BRD1: variants seen among roughly 807,000 people sequenced by gnomAD.
BRD1 encodes the protein bromodomain containing 1.
Under a neutral mutation model 107.7 loss-of-function variants are expected in BRD1, and 24 were observed. The ratio of observed to expected loss-of-function variants is 0.22; its 90% confidence interval spans 0.16 to 0.31. The LOEUF is 0.31. Among genes scored for constraint, BRD1 ranks in the 10% least tolerant of loss-of-function variants. The pLI, the probability that BRD1 is intolerant of heterozygous loss-of-function variation, is 1.00. For synonymous variants in BRD1, 744 were observed against 686.1 expected (o/e 1.08, Z -1.32); for missense variants, 1,279 against 1,638.6 (o/e 0.78, Z 3.79).
At chr22:49,800,163 G>A (rs1448765919) in intron 3 of BRD1, among the ~76,000 whole-genome samples, 1 of 152,140 alleles carries the variant, frequency 6.6e-6, no homozygotes, top group Non-Finnish European at 1.5e-5. Context: ...AAGGACCGAG[G>A]GTGTGAAGGC....
intron 2 of BRD1, chr22:49,806,800 C>T (rs1303585358): frequency 6.6e-6 from 1 of 152,134 alleles, no homozygotes; most frequent in African/African-American, 2.4e-5. Context: ...CAGTTCGTGA[C>T]CAGCCTGGCC....
In BRD1 at chr22:49,783,812, T is replaced by G. The variant is rs1436381643; in HGVS notation, c.2857+3578A>C. Among the ~76,000 whole-genome samples the G allele has an allele frequency of 6.6e-6, 1 of 152,212 alleles. No individual in the cohort carries two copies. The highest frequency in any genetic ancestry group is 1.5e-5 in the Non-Finnish European group (1 of 68,026). ...GATTTTGTCTAGAGGATGTTTGAGCTGATGATTCCAATGTGATCCGCAAGA... is the reference window on the plus strand; with the variant it reads ...GATTTTGTCTAGAGGATGTTTGAGCGGATGATTCCAATGTGATCCGCAAGA... On this transcript the variant is annotated intron_variant, in intron 8 of 12. Transcript: ENST00000404760. The surrounding 1 kb of genome is among the most constrained non-coding windows in gnomAD (Gnocchi z 4.2).
chr22:49,787,386 T>TTAC lies in BRD1; in HGVS notation c.2857+1_2857+3dup. The TTAC allele has an allele frequency of 6.3e-7, 1 of 1,588,904 alleles. No individual in the cohort carries two copies. Among genetic ancestry groups the TTAC allele is most frequent in the South Asian group, 1.1e-5 (1 of 90,642 alleles). ...CGCCTCTCAGGGCCGCCCGCGGCATTTACCTGCGTCCAGGCGCTTTCCTGG... is the reference window on the plus strand; with the variant it reads ...CGCCTCTCAGGGCCGCCCGCGGCATTTACTACCTGCGTCCAGGCGCTTTCCTGG... On this transcript the variant is annotated splice_donor_region_variant and intron_variant, in intron 8 of 12. Transcript: ENST00000404760.
intron 1 of BRD1, chr22:49,826,147 T>G: frequency 1.0e-6 from 1 of 984,160 alleles, no homozygotes; most frequent in South Asian, 4.7e-5. Context: ...AGTTGGTTAC[T>G]CACCAGATCA....
chr22:49,819,515 T>C (rs2060022633), intron 2 of BRD1, among the ~76,000 whole-genome samples: 1 of 152,038 alleles, frequency 6.6e-6, no homozygotes, highest in African/African-American at 2.4e-5. Context: ...ACCATGCCAC[T>C]GCACCCGTCT....
intron 5 of BRD1, among the ~76,000 whole-genome samples, 183 bp from the exon 6 acceptor site, chr22:49,798,300 A>G (rs1422536261): frequency 6.6e-6 from 1 of 152,222 alleles, no homozygotes; most frequent in African/African-American, 2.4e-5. Flanking sequence ...TCCTTCAGCT[A>G]AAGCACGCTG....
intron 8 of BRD1, among the ~76,000 whole-genome samples, chr22:49,785,969 A>G (rs1156690440): frequency 6.6e-6 from 1 of 152,186 alleles, no homozygotes; most frequent in Admixed American, 6.5e-5. Context: ...TGGCCTGGGC[A>G]GGTCTTGCCC....
chr22:49,818,132 G>C lies in BRD1; in HGVS notation c.1367+4819C>G. The C allele has an allele frequency of 3.7e-6, 3 of 808,364 alleles. 1 individual carries two copies. The South Asian group carries it at 1.4e-4, about 38-fold the overall frequency. The allele number at this position is 808,364 out of a possible 1,614,324, so 50.1% of individuals were successfully genotyped here. A position where few individuals can be genotyped will look rare whatever the true frequency, so the allele number is the denominator to read the frequency against. ...AAACTCAAAATAAAATGACACCAGT[G>C]AAGGCGGGAGGAGCACCCTATCAGG... On this transcript the variant is annotated intron_variant, in intron 2 of 12. Coordinates refer to ENST00000404760, the MANE Select transcript of BRD1 (RefSeq NM_001304808.3).
intron 6 of BRD1, among the ~76,000 whole-genome samples, chr22:49,795,997 A>G (rs1347422535): frequency 6.6e-6 from 1 of 152,222 alleles, no homozygotes; most frequent in Non-Finnish European, 1.5e-5. Flanking sequence ...CACTGTTTGG[A>G]GCCTGTGTTT....
intron 6 of BRD1, among the ~76,000 whole-genome samples, chr22:49,797,067 C>A (rs2059548603): frequency 6.6e-6 from 1 of 152,226 alleles, no homozygotes. Context: ...CTTTGACAAC[C>A]CATGTGGGCA....
intron 2 of BRD1, among the ~76,000 whole-genome samples, chr22:49,815,648 G>A (rs1254793255): frequency 6.6e-6 from 1 of 152,096 alleles, no homozygotes; most frequent in Non-Finnish European, 1.5e-5. Flanking sequence ...GCTCTGTTGT[G>A]AGCTGCCAGC....
intron 7 of BRD1, among the ~76,000 whole-genome samples, 176 bp downstream of exon 7, chr22:49,793,855 AAAC>A (rs2059479304): frequency 6.6e-6 from 1 of 152,276 alleles, no homozygotes; most frequent in Admixed American, 6.5e-5. Flanking sequence ...CCTTAAAAGG[AAAC>A]AACAGCCCAG....
intron 6 of BRD1, among the ~76,000 whole-genome samples, chr22:49,797,500 G>A (rs544954511): frequency 2.2e-4 from 34 of 152,322 alleles, no homozygotes; most frequent in Non-Finnish European, 4.0e-4. Context: ...GACAGGTGCT[G>A]AGCGTAAAAT....
At position 49,777,559 on chromosome 22, in the gene BRD1, C is replaced by G. The variant is rs2059124888; in HGVS notation, c.2993+119G>C. On this transcript the variant is annotated intron_variant, in intron 9 of 12. Coordinates refer to ENST00000404760, the MANE Select transcript of BRD1 (RefSeq NM_001304808.3). The stretch of plus-strand genomic sequence containing the variant: ...GGGCAGAGCACACATGAATCCCAGG[C>G]CAGAATTTTTCAGAGAACACTAAGA... 2.5e-5 allele frequency: 35 copies of G among 1,414,888 alleles called. No individual in the cohort carries two copies. In the South Asian group the frequency reaches 4.6e-4, roughly 19 times the overall value. The allele number at this position is 1,414,888 out of a possible 1,614,324, so 87.6% of individuals were successfully genotyped here.
chr22:49,809,996 A>T (rs914475707), intron 2 of BRD1, among the ~76,000 whole-genome samples: 3 of 152,250 alleles, frequency 2.0e-5, no homozygotes, highest in Non-Finnish European at 4.4e-5. Context: ...GACTATTTAT[A>T]AAAAATGTAT....
chr22:49,798,531 G>T, intron 5 of BRD1, 27 bp downstream of exon 5: 1 of 1,614,102 alleles, frequency 6.2e-7, no homozygotes, highest in South Asian at 1.1e-5. Flanking sequence ...ACATGCGGCA[G>T]GACAGACGAG....
chr22:49,775,701 G>A lies in BRD1; in HGVS notation c.3276C>T (p.Gly1092=), dbSNP rs773311029. The A allele has an allele frequency of 4.2e-5, 67 of 1,613,438 alleles. No individual in the cohort carries two copies. Among genetic ancestry groups the A allele is most frequent in the Non-Finnish European group, 5.0e-5 (59 of 1,179,822 alleles). The change falls in exon 12 of 13, where the codon GGC becomes GGT. Residue 1092 remains glycine (G), a synonymous_variant. Transcript: ENST00000404760. ...KMPRVPGHHN[G]VTIPAPPLDV... is the part of the protein sequence containing the mutation. ...CCAGGGGTGGGGCCGGGATGGTGAC[G>A]CCGTTGTGGTGGCCAGGCACACGGG...
intron 2 of BRD1, among the ~76,000 whole-genome samples, chr22:49,819,028 C>A (rs889900793): frequency 1.3e-5 from 2 of 151,856 alleles, no homozygotes; most frequent in African/African-American, 4.8e-5. Context: ...GAGGCCAAGG[C>A]AGGCAGATCA....
At chr22:49,815,082 C>T (rs548309984) in intron 2 of BRD1, among the ~76,000 whole-genome samples, 4 of 152,294 alleles carry the variant, frequency 2.6e-5, no homozygotes, top group African/African-American at 9.6e-5. Context: ...GGCCCACGGC[C>T]CTGCTCTGCG....
Sources: allele counts gnomAD v4.1 joint callset (sites outside exome capture counted in the v4.1 genomes callset), GRCh38; gene constraint gnomAD v4.1.1; non-coding constraint Gnocchi (gnomAD v3.1); transcripts MANE v1.5; gene names NCBI Gene and HGNC (gene_info 2026-07-23, HGNC 2026-07-21).